NDUFA9: variants seen among roughly 807,000 people sequenced by gnomAD.
NDUFA9 encodes NADH dehydrogenase [ubiquinone] 1 alpha subcomplex subunit 9, mitochondrial.
NDUFA9 carries 23 observed loss-of-function variants against 45.9 expected under a neutral mutation model. The ratio of observed to expected loss-of-function variants is 0.50; its 90% confidence interval spans 0.36 to 0.71. The LOEUF (loss-of-function observed/expected upper bound fraction) is 0.71. NDUFA9 is among the 30% of genes least tolerant of loss of function. The pLI, the probability that NDUFA9 is intolerant of heterozygous loss-of-function variation, is 0.00. For missense variants in NDUFA9, 466 were observed against 488.2 expected (o/e 0.95, Z 0.43); for synonymous variants, 176 against 170.5 (o/e 1.03, Z -0.25).
chr12:4,655,896 A>G (rs1047912782), intron 3 of NDUFA9: 24 of 152,210 alleles, frequency 1.6e-4, no homozygotes, highest in African/African-American at 5.8e-4. Context: ...TACGGAGCAC[A>G]GGACAGTCTC....
At chr12:4,667,811 A>C (rs1053806332) in intron 6 of NDUFA9, among the ~76,000 whole-genome samples, 1 of 151,228 alleles carries the variant, frequency 6.6e-6, no homozygotes, top group Non-Finnish European at 1.5e-5. Context: ...TGCCCGGCCT[A>C]ATTTCTACTC....
chr12:4,666,969 AG>A (rs1481974028), intron 6 of NDUFA9, among the ~76,000 whole-genome samples: 1 of 152,224 alleles, frequency 6.6e-6, no homozygotes, highest in Non-Finnish European at 1.5e-5. Context: ...TGCTTTGGGT[AG>A]AATTGACATA....
rs183870409 is a variant in NDUFA9, at chr12:4,675,834, A to G, written c.800+6017A>G. On this transcript the variant is annotated intron_variant, in intron 8 of 10. Coordinates refer to ENST00000266544, the MANE Select transcript of NDUFA9 (RefSeq NM_005002.5). ...ATGAGGCCAGCATCATCCTAATACC[A>G]AAACCTGGCAGAGACAGCAAAAAAA... Among the ~76,000 whole-genome samples the G allele has an allele frequency of 1.8e-3, 271 of 152,348 alleles. 3 individuals carry two copies. Among genetic ancestry groups the G allele is most frequent in the African/African-American group, 6.3e-3 (261 of 41,574 alleles).
chr12:4,661,670 A>G, intron 5 of NDUFA9, among the ~76,000 whole-genome samples: 1 of 151,814 alleles, frequency 6.6e-6, no homozygotes, highest in East Asian at 1.9e-4. Context: ...GGACAGGAAC[A>G]GTCGGAAGAG....
intron 8 of NDUFA9, among the ~76,000 whole-genome samples, chr12:4,675,746 T>C (rs1016508105): frequency 3.3e-5 from 5 of 152,206 alleles, no homozygotes; most frequent in Non-Finnish European, 7.4e-5. Context: ...GAGGAGCTGG[T>C]ACCATTCCTT....
chr12:4,658,586 C>T (rs1017832702), intron 4 of NDUFA9, among the ~76,000 whole-genome samples: 7 of 152,104 alleles, frequency 4.6e-5, no homozygotes, highest in Middle Eastern at 3.2e-3. Context: ...GCAGCCAGTA[C>T]GGCCAGGTTT....
Position 4,668,603 on chromosome 12 carries a change from C to T in NDUFA9, c.723+79C>T. Reference sequence around the variant, plus strand: ...GAGTGATCAAGTTTCTGGTTTTGTCCTAATTTAGTAACTCTGTCATTTTCT... The same window carrying T: ...GAGTGATCAAGTTTCTGGTTTTGTCTTAATTTAGTAACTCTGTCATTTTCT... On this transcript the variant is annotated intron_variant, in intron 7 of 10. Coordinates refer to ENST00000266544, the MANE Select transcript of NDUFA9 (RefSeq NM_005002.5). 6.2e-6 allele frequency: 8 copies of T among 1,290,376 alleles called. 1 individual carries two copies. Among genetic ancestry groups the T allele is most frequent in the Non-Finnish European group, 9.0e-6 (8 of 888,530 alleles). 79.9% of individuals were successfully genotyped at this position (1,290,376 alleles called of 1,614,324 possible). A position where few individuals can be genotyped will look rare whatever the true frequency, so the allele number is the denominator to read the frequency against.
At chr12:4,666,332 A>G (rs944858978) in intron 6 of NDUFA9, among the ~76,000 whole-genome samples, 2 of 152,064 alleles carry the variant, frequency 1.3e-5, no homozygotes, top group African/African-American at 4.8e-5. Context: ...CTCATTTTTT[A>G]GTTTGTCTCT....
At chr12:4,677,413 G>A (rs1013055535) in intron 8 of NDUFA9, among the ~76,000 whole-genome samples, 2 of 152,132 alleles carry the variant, frequency 1.3e-5, no homozygotes, top group African/African-American at 4.8e-5. Flanking sequence ...CTGAAAAAGG[G>A]CTAATATCCA....
chr12:4,670,221 A>G (rs1021800514), intron 8 of NDUFA9, among the ~76,000 whole-genome samples: 9 of 152,232 alleles, frequency 5.9e-5, no homozygotes, highest in East Asian at 1.9e-4. Flanking sequence ...CGGGTGGTTT[A>G]TAGCACAATT....
At chr12:4,679,151 G>A (rs191041111) in intron 8 of NDUFA9, among the ~76,000 whole-genome samples, 71 of 152,308 alleles carry the variant, frequency 4.7e-4, no homozygotes, top group African/African-American at 1.2e-3. Flanking sequence ...AATGAAAGAA[G>A]CTAGATACAG....
chr12:4,654,916 G>A lies in NDUFA9; in HGVS notation c.312G>A (p.Leu104=), dbSNP rs1174655721. 1.9e-6 allele frequency: 3 copies of A among 1,612,516 alleles called. No homozygotes were observed. The highest frequency in any genetic ancestry group is 3.3e-5 in the Admixed American group (2 of 59,712). Residue 104 remains leucine, a synonymous_variant, in exon 3 of 11, where the codon CTG becomes CTA. Coordinates refer to ENST00000266544, the MANE Select transcript of NDUFA9 (RefSeq NM_005002.5). ...CCATGGGTGACCTGGGCCAGCTTCT[G>A]TTTCTGGTAAGGGCCTTTATGACTG... ...LRPMGDLGQL[L]FLEWDARDKD...
intron 8 of NDUFA9, among the ~76,000 whole-genome samples, chr12:4,676,594 T>G (rs1014270240): frequency 6.6e-6 from 1 of 152,164 alleles, no homozygotes; most frequent in African/African-American, 2.4e-5. Flanking sequence ...ACAAGGGATG[T>G]GAAGGACCTA....
rs991501085 is a variant in NDUFA9 at position 4,657,656 on chromosome 12, C to G, written c.319-92C>G. ...CTATATTATGACTACAGCAGATGGC[C>G]CATTTTGAAACTTGCATTGAGGAGG... On this transcript the variant is annotated intron_variant, in intron 3 of 10. Coordinates refer to ENST00000266544, the MANE Select transcript of NDUFA9 (RefSeq NM_005002.5). 32 of 880,370 alleles carry G rather than the reference C, an allele frequency of 3.6e-5. No homozygotes were observed. The African/African-American group carries it at 4.0e-4, about 11-fold the overall frequency. 54.5% of individuals were successfully genotyped at this position (880,370 alleles called of 1,614,324 possible).
rs567512638 is a variant in NDUFA9 at position 4,675,897 on chromosome 12, C to T, written c.800+6080C>T. On this transcript the variant is annotated intron_variant, in intron 8 of 10. Transcript: ENST00000266544. ...CCAATGTCCCTGATGAACATTGAATCGAAAATCCTCAATAAAATCCAGCAG... is the reference window on the plus strand; with the variant it reads ...CCAATGTCCCTGATGAACATTGAATTGAAAATCCTCAATAAAATCCAGCAG... 3.9e-5 allele frequency among the ~76,000 whole-genome samples: 6 copies of T among 152,020 alleles called. No homozygotes were observed. The South Asian group carries it at 1.0e-3, about 26-fold the overall frequency.
chr12:4,657,641 A>G (rs1035779990), intron 3 of NDUFA9, 107 bp from the exon 4 acceptor site: 5 of 769,184 alleles, frequency 6.5e-6, no homozygotes, highest in African/African-American at 3.4e-5. Context: ...CTATATTATG[A>G]CTACAGCAGA....
At chr12:4,653,658 A>G (rs1945772229) in intron 1 of NDUFA9, 1 of 443,970 alleles carries the variant, frequency 2.3e-6, no homozygotes, top group Non-Finnish European at 4.5e-6. Flanking sequence ...ATTATTTGTG[A>G]TGTTCTTCAG....
intron 8 of NDUFA9, among the ~76,000 whole-genome samples, chr12:4,671,867 C>T (rs771182918): frequency 2.6e-5 from 4 of 152,232 alleles, no homozygotes; most frequent in Non-Finnish European, 5.9e-5. Flanking sequence ...AGATGAACTT[C>T]GACTCCTACC....
chr12:4,651,198 A>G (rs923186092), intron 1 of NDUFA9, among the ~76,000 whole-genome samples: 28 of 152,174 alleles, frequency 1.8e-4, no homozygotes, highest in East Asian at 1.9e-4. Flanking sequence ...TGTCTGGACT[A>G]TTGGTTTGGG....
Sources: gnomAD v4.1 joint callset for allele counts (sites outside exome capture counted in the v4.1 genomes callset) on GRCh38, gnomAD v4.1.1 for gene constraint, MANE v1.5 for transcripts, NCBI Gene and HGNC (gene_info 2026-07-23, HGNC 2026-07-21) for gene names.